The following AFAP1 variants were observed in gnomAD, a reference collection of about 807,000 sequenced individuals.
The protein encoded by AFAP1 is actin filament associated protein 1, also known as actin filament-associated protein 1.
A neutral mutation model predicts 93.9 loss-of-function variants in AFAP1; 75 were observed. That is an observed-to-expected ratio of 0.80 (90% confidence interval 0.66 to 0.97). The LOEUF (loss-of-function observed/expected upper bound fraction) is 0.97, where lower values mean the gene tolerates loss of function less well. Ranked by LOEUF, AFAP1 falls within the 50% of genes least tolerant of loss-of-function variation. AFAP1 has a pLI of 0.00. For synonymous variants in AFAP1, 517 were observed against 430.7 expected, an observed-to-expected ratio of 1.20 and a Z score of -2.48; for missense variants, 1,201 against 1,050.8, an observed-to-expected ratio of 1.14 and a Z score of -1.98.
intron 3 of AFAP1, among the ~76,000 whole-genome samples, chr4:7,859,280 G>A (rs865951628): frequency 1.2e-4 from 19 of 152,068 alleles, no homozygotes; most frequent in African/African-American, 4.1e-4. Context: ...TTAGCCGAGT[G>A]TGGTGGTGGG....
At chr4:7,907,260 C>T (rs1352924609) in intron 1 of AFAP1, among the ~76,000 whole-genome samples, 1 of 152,176 alleles carries the variant, frequency 6.6e-6, no homozygotes, top group Non-Finnish European at 1.5e-5. Context: ...CCTCAGCTGA[C>T]AGCTAAACCA....
intron 1 of AFAP1, among the ~76,000 whole-genome samples, chr4:7,884,663 T>C (rs1272880982): frequency 6.6e-6 from 1 of 152,082 alleles, no homozygotes; most frequent in Non-Finnish European, 1.5e-5. Context: ...ACTCCTTACC[T>C]TACGTACACC....
chr4:7,813,085 C>T (rs77711732), intron 8 of AFAP1, among the ~76,000 whole-genome samples: 1,642 of 152,220 alleles, frequency 0.011, 24 homozygotes, highest in African/African-American at 0.037. Context: ...GTGGCTTTGA[C>T]CGCATGGAGC....
At chr4:7,926,797 C>T (rs571559147) in intron 1 of AFAP1, among the ~76,000 whole-genome samples, 7 of 152,242 alleles carry the variant, frequency 4.6e-5, no homozygotes, top group South Asian at 2.1e-4. Flanking sequence ...AGTGCAGCAG[C>T]GCACTATTAG....
chr4:7,816,819 T>C lies in AFAP1; in HGVS notation c.823-720A>G, dbSNP rs562721458. Among the ~76,000 whole-genome samples the C allele has an allele frequency of 1.6e-4, 24 of 152,248 alleles. No homozygotes were observed. The East Asian group carries it at 3.5e-3, about 22-fold the overall frequency. On this transcript the variant is annotated intron_variant, in intron 7 of 17. Coordinates refer to ENST00000420658, the MANE Select transcript of AFAP1 (RefSeq NM_001134647.2). ...TGGAGACTGGGACACAGATGAGATA[T>C]GTGAGCAGTTCCCAGGCACAAAGGA...
At chr4:7,845,515 A>G (rs983073650) in intron 4 of AFAP1, among the ~76,000 whole-genome samples, 2 of 152,280 alleles carry the variant, frequency 1.3e-5, no homozygotes, top group African/African-American at 2.4e-5. Flanking sequence ...AATGGGCTGA[A>G]GAAGGGACGA....
intron 11 of AFAP1, among the ~76,000 whole-genome samples, chr4:7,791,173 C>G (rs1213907698): frequency 6.6e-6 from 1 of 152,232 alleles, no homozygotes; most frequent in Non-Finnish European, 1.5e-5. Context: ...AGCCCATCTT[C>G]TTCACACTTG....
At chr4:7,895,034 G>A (rs1718686342) in intron 1 of AFAP1, among the ~76,000 whole-genome samples, 1 of 152,260 alleles carries the variant, frequency 6.6e-6, no homozygotes, top group South Asian at 2.1e-4. Context: ...GCTAATGGAA[G>A]CAAATTAAGA....
intron 3 of AFAP1, among the ~76,000 whole-genome samples, chr4:7,856,539 C>T (rs1483747145): frequency 6.6e-6 from 1 of 152,144 alleles, no homozygotes; most frequent in Admixed American, 6.5e-5. Context: ...CGCACCTGGC[C>T]CATCACAATT....
At chr4:7,821,951 T>C (rs1285601908) in intron 6 of AFAP1, among the ~76,000 whole-genome samples, 1 of 152,222 alleles carries the variant, frequency 6.6e-6, no homozygotes, top group Non-Finnish European at 1.5e-5. Context: ...ATCTCCTCTT[T>C]GCTAATGCCG....
At chr4:7,860,835 C>T (rs927772030) in intron 3 of AFAP1, among the ~76,000 whole-genome samples, 1 of 152,192 alleles carries the variant, frequency 6.6e-6, no homozygotes, top group Non-Finnish European at 1.5e-5. Flanking sequence ...ACAGCACAAG[C>T]AGACGCATCA....
At chr4:7,855,225 T>C (rs1200550530) in intron 4 of AFAP1, among the ~76,000 whole-genome samples, 2 of 152,212 alleles carry the variant, frequency 1.3e-5, no homozygotes, top group Admixed American at 6.5e-5. Context: ...GCCACAGCAA[T>C]AAGCTTTCAC....
intron 1 of AFAP1, among the ~76,000 whole-genome samples, chr4:7,890,190 G>C (rs972861825): frequency 7.2e-5 from 11 of 152,126 alleles, no homozygotes; most frequent in African/African-American, 1.9e-4. Flanking sequence ...TTGGTGTTAG[G>C]ATAGATTGGT....
At chr4:7,767,289 C>CG (rs1714736815) in intron 17 of AFAP1, among the ~76,000 whole-genome samples, 1 of 152,100 alleles carries the variant, frequency 6.6e-6, no homozygotes, top group African/African-American at 2.4e-5. Context: ...CAAAAGGGAG[C>CG]GGGGGGCCTG....
intron 1 of AFAP1, among the ~76,000 whole-genome samples, chr4:7,881,695 A>G (rs1717856671): frequency 2.0e-5 from 3 of 152,234 alleles, no homozygotes; most frequent in South Asian, 4.2e-4. Context: ...AGGCAGGAGA[A>G]TCACTTGAAT....
intron 1 of AFAP1, among the ~76,000 whole-genome samples, chr4:7,883,046 G>A (rs1717940485): frequency 6.6e-6 from 1 of 151,708 alleles, no homozygotes; most frequent in Non-Finnish European, 1.5e-5. Context: ...TTAGCCAGAT[G>A]TGATGGCACA....
intron 3 of AFAP1, among the ~76,000 whole-genome samples, chr4:7,857,628 C>A (rs914654029): frequency 3.3e-5 from 5 of 152,198 alleles, no homozygotes; most frequent in Non-Finnish European, 5.9e-5. Flanking sequence ...AAGGTCTGTA[C>A]AGGAGTCCAC....
At chr4:7,893,663 T>C (rs1346101938) in intron 1 of AFAP1, among the ~76,000 whole-genome samples, 2 of 151,248 alleles carry the variant, frequency 1.3e-5, no homozygotes, top group African/African-American at 4.9e-5. Context: ...ACCCTAAACC[T>C]GTGCTTCTCA....
chr4:7,903,070 CAAT>C (rs1233783957), intron 1 of AFAP1, among the ~76,000 whole-genome samples: 1 of 152,224 alleles, frequency 6.6e-6, no homozygotes, highest in Non-Finnish European at 1.5e-5. Context: ...TATCCCACAA[CAAT>C]GTGTGTAATC....
Sources: allele counts gnomAD v4.1 joint callset (sites outside exome capture counted in the v4.1 genomes callset), GRCh38; gene constraint gnomAD v4.1.1; transcripts MANE v1.5; gene names NCBI Gene and HGNC (gene_info 2026-07-23, HGNC 2026-07-21).